Variants in CDC14B observed in about 807,000 individuals in gnomAD.
CDC14B encodes the protein cell division cycle 14B.
Under a neutral mutation model 64.2 loss-of-function variants are expected in CDC14B, and 22 were observed. The ratio of observed to expected loss-of-function variants is 0.34; its 90% confidence interval spans 0.24 to 0.49. The LOEUF (loss-of-function observed/expected upper bound fraction) is 0.49, where lower values mean the gene tolerates loss of function less well. Ranked by LOEUF, CDC14B falls within the 20% of genes least tolerant of loss-of-function variation. CDC14B has a pLI of 0.99. For missense variants in CDC14B, 498 were observed against 629.9 expected, an observed-to-expected ratio of 0.79 and a Z score of 2.24; for synonymous variants, 191 against 215.8, an observed-to-expected ratio of 0.89 and a Z score of 1.01.
At chr9:96,596,732 G>A (rs569306472) in intron 1 of CDC14B, among the ~76,000 whole-genome samples, 13 of 151,992 alleles carry the variant, frequency 8.6e-5, no homozygotes, top group African/African-American at 1.7e-4. Flanking sequence ...GTAGTGGCAT[G>A]TGCCTGTAGT....
At chr9:96,542,998 ACT>A (rs1761613403) in intron 5 of CDC14B, among the ~76,000 whole-genome samples, 1 of 151,076 alleles carries the variant, frequency 6.6e-6, no homozygotes, top group Non-Finnish European at 1.5e-5. Context: ...ACAAAGTGAG[ACT>A]CTATCTCAAA....
intron 12 of CDC14B, among the ~76,000 whole-genome samples, chr9:96,518,067 A>G (rs1479466962): frequency 2.0e-5 from 3 of 152,054 alleles, no homozygotes; most frequent in Non-Finnish European, 4.4e-5. Flanking sequence ...TCCAATGACT[A>G]TACTTCCAAA....
At chr9:96,571,920 C>A (rs774986767) in intron 1 of CDC14B, among the ~76,000 whole-genome samples, 8 of 152,166 alleles carry the variant, frequency 5.3e-5, no homozygotes, top group Non-Finnish European at 1.0e-4. Flanking sequence ...AACAGACAGG[C>A]CTTGCTGGGT....
At chr9:96,505,887 C>T (rs1342920541) in intron 13 of CDC14B, among the ~76,000 whole-genome samples, 1 of 152,210 alleles carries the variant, frequency 6.6e-6, no homozygotes. Context: ...ACAGTGGCAC[C>T]TTTTCCCAAA....
chr9:96,576,632 C>CAAA (rs11304216), intron 1 of CDC14B, among the ~76,000 whole-genome samples: 5 of 81,648 alleles, frequency 6.1e-5, no homozygotes, highest in African/African-American at 8.4e-5. Context: ...GACTCCATCT[C>CAAA]AAAAAAAAAA....
At chr9:96,498,656 C>T (rs939304020), downstream of CDC14B, among the ~76,000 whole-genome samples, 4 of 152,238 alleles carry the variant, frequency 2.6e-5, no homozygotes, top group Non-Finnish European at 5.9e-5. Context: ...ATCAGTCATT[C>T]TTTCCCCAAT....
intron 13 of CDC14B, among the ~76,000 whole-genome samples, chr9:96,504,251 G>GCA (rs1384416027): frequency 6.6e-6 from 1 of 152,036 alleles, no homozygotes; most frequent in Non-Finnish European, 1.5e-5. Flanking sequence ...AAAAGCTCTG[G>GCA]CACCTAAGCG....
chr9:96,503,942 A>T (rs948967078), intron 13 of CDC14B, among the ~76,000 whole-genome samples, 153 bp from the exon 14 acceptor site: 1 of 152,200 alleles, frequency 6.6e-6, no homozygotes, highest in Non-Finnish European at 1.5e-5. Context: ...TTTGGAGAAG[A>T]CAACACAATA....
intron 13 of CDC14B, among the ~76,000 whole-genome samples, chr9:96,494,417 C>T (rs754321832): frequency 1.6e-4 from 24 of 152,216 alleles, no homozygotes; most frequent in Non-Finnish European, 2.9e-4. Context: ...GCAGAGGGCC[C>T]ACGCTCAGGT....
chr9:96,498,902 C>A (rs1423863200), downstream of CDC14B, among the ~76,000 whole-genome samples: 1 of 152,246 alleles, frequency 6.6e-6, no homozygotes, highest in Non-Finnish European at 1.5e-5. Flanking sequence ...GGAGACAAGT[C>A]TCTAAGGACC....
chr9:96,615,980 A>C (rs1847601500), intron 1 of CDC14B, among the ~76,000 whole-genome samples: 1 of 152,186 alleles, frequency 6.6e-6, no homozygotes, highest in South Asian at 2.1e-4. Flanking sequence ...ATAACCAGCT[A>C]TTTATTACTA....
intron 5 of CDC14B, among the ~76,000 whole-genome samples, chr9:96,550,147 GT>G (rs1276372762): frequency 6.6e-6 from 1 of 152,152 alleles, no homozygotes; most frequent in Non-Finnish European, 1.5e-5. Flanking sequence ...GAAGAATGTG[GT>G]TGCTATTATG....
chr9:96,564,960 T>C (rs918546267), intron 2 of CDC14B, 108 bp from the exon 3 acceptor site: 4 of 663,352 alleles, frequency 6.0e-6, no homozygotes, highest in African/African-American at 1.8e-5. Flanking sequence ...ATATACCAAA[T>C]TGTTATGGGC....
At chr9:96,600,175 A>T (rs1425187088) in intron 1 of CDC14B, among the ~76,000 whole-genome samples, 4 of 151,854 alleles carry the variant, frequency 2.6e-5, no homozygotes, top group Admixed American at 2.6e-4. Flanking sequence ...TGGGAGAATC[A>T]CTTGAGGCCA....
At chr9:96,566,662 G>A in intron 1 of CDC14B, 1 of 1,098,404 alleles carries the variant, frequency 9.1e-7, no homozygotes, top group South Asian at 1.4e-5. Context: ...CAGGAGACAA[G>A]GGCGGCCGGG....
downstream of CDC14B, among the ~76,000 whole-genome samples, chr9:96,499,927 G>A (rs1341511651): frequency 1.3e-5 from 2 of 152,200 alleles, no homozygotes; most frequent in Non-Finnish European, 1.5e-5. Flanking sequence ...CAGCTTGGTC[G>A]TGGACTTGCA....
intron 1 of CDC14B, among the ~76,000 whole-genome samples, chr9:96,577,080 C>T (rs1844859078): frequency 6.6e-6 from 1 of 151,868 alleles, no homozygotes. Flanking sequence ...TGGTAAAACC[C>T]CATCTCTACT....
chr9:96,606,917 T>A (rs1422252708), intron 1 of CDC14B, among the ~76,000 whole-genome samples: 13 of 151,930 alleles, frequency 8.6e-5, no homozygotes, highest in Non-Finnish European at 1.6e-4. Context: ...GCACCTGTAG[T>A]CTCAGCTACT....
chr9:96,518,787 C>T (rs1169116296), intron 12 of CDC14B, among the ~76,000 whole-genome samples: 2 of 152,184 alleles, frequency 1.3e-5, no homozygotes, highest in Non-Finnish European at 2.9e-5. Context: ...GCCCGAATGT[C>T]CAAGTGTCAG....
Sources: gnomAD v4.1 joint callset for allele counts (sites outside exome capture counted in the v4.1 genomes callset) on GRCh38, gnomAD v4.1.1 for gene constraint, MANE v1.5 for transcripts, NCBI Gene and HGNC (gene_info 2026-07-23, HGNC 2026-07-21) for gene names.